The following FANCD2 variants were observed in gnomAD, a reference collection of about 807,000 sequenced individuals.
FANCD2 encodes the protein FA complementation group D2, also known as Fanconi anemia group D2 protein.
A neutral mutation model predicts 192.3 loss-of-function variants in FANCD2; 131 were observed. That is an observed-to-expected ratio of 0.68 (90% confidence interval 0.59 to 0.79). The LOEUF (loss-of-function observed/expected upper bound fraction) is 0.79. Ranked by LOEUF, FANCD2 falls within the 30% of genes least tolerant of loss-of-function variation. FANCD2 has a pLI of 0.00. For missense variants in FANCD2, 1,508 were observed against 1,701.6 expected (o/e 0.89, Z 2.00); for synonymous variants, 524 against 612.5 (o/e 0.86, Z 2.13).
chr3:10,081,219 C>G lies in FANCD2; in HGVS notation c.3096C>G (p.Asn1032Lys). 5 of 1,614,128 alleles carry G rather than the reference C, an allele frequency of 3.1e-6. No individual in the cohort carries two copies. Among genetic ancestry groups the G allele is most frequent in the Non-Finnish European group, 4.2e-6 (5 of 1,180,030 alleles). ...PMCNHLENIH[N>K]YFQCLAAENH... is the part of the protein sequence containing the mutation. ...GTAACCACCTGGAGAACATTCACAA[C>G]TATTTTCAGGTCAGAAGCCTAGACT... is the stretch of plus-strand genomic sequence containing the variant. The change falls in exon 31 of 44, where the codon AAC (asparagine) becomes AAG (lysine). Residue 1032 changes from asparagine (N) to lysine (K), a missense_variant. Coordinates refer to ENST00000675286, the MANE Select transcript of FANCD2 (RefSeq NM_001018115.3).
At position 10,036,086 on chromosome 3, in the gene FANCD2, C is replaced by CTTTTTTTTTTTT. The variant is rs532765216; in HGVS notation, c.439-193_439-182dup. 1.9e-3 allele frequency among the ~76,000 whole-genome samples: 193 copies of CTTTTTTTTTTTT among 102,572 alleles called. 24 individuals are homozygous for CTTTTTTTTTTTT. Among genetic ancestry groups the CTTTTTTTTTTTT allele is most frequent in the African/African-American group, 7.0e-3 (168 of 23,984 alleles). The allele number at this position is 102,572 out of a possible 152,430, so 67.3% of individuals were successfully genotyped here. Reference sequence around the variant, plus strand: ...TAGTTGGAAAGAGAATTATACATTTCTTTTTTTTTTTTTTTTTTTGAGTCA... The same window carrying CTTTTTTTTTTTT: ...TAGTTGGAAAGAGAATTATACATTTCTTTTTTTTTTTTTTTTTTTTTTTTTTTTTTTGAGTCA... On this transcript the variant is annotated intron_variant, in intron 6 of 43. Transcript: ENST00000675286.
At chr3:10,084,175 G>T (rs1187983528) in intron 32 of FANCD2, among the ~76,000 whole-genome samples, 4 of 151,898 alleles carry the variant, frequency 2.6e-5, no homozygotes, top group Admixed American at 2.6e-4. Context: ...TGTATTTTTA[G>T]TAGAGACGGG....
At chr3:10,066,742 T>C (rs754401436) in intron 25 of FANCD2, among the ~76,000 whole-genome samples, 1 of 152,170 alleles carries the variant, frequency 6.6e-6, no homozygotes, top group Non-Finnish European at 1.5e-5. Context: ...TTTGTTTTTT[T>C]GAGACAGAGT....
At chr3:10,078,406 G>A (rs1487796918) in intron 30 of FANCD2, among the ~76,000 whole-genome samples, 1 of 152,072 alleles carries the variant, frequency 6.6e-6, no homozygotes, top group African/African-American at 2.4e-5. Context: ...CCAGGCTGGA[G>A]TGCAGTGGTG....
Position 10,095,204 on chromosome 3 carries a change from A to G in FANCD2, c.3968A>G (p.Asp1323Gly), listed in dbSNP as rs773182166. 17 of 1,613,036 alleles carry G rather than the reference A, an allele frequency of 1.1e-5. No homozygotes were observed. The highest frequency in any genetic ancestry group is 1.6e-4 in the Middle Eastern group (1 of 6,080). Residue 1323 changes from aspartate to glycine, a missense_variant, in exon 41 of 44, where the codon GAT (aspartate) becomes GGT (glycine). Transcript: ENST00000675286. ...LDFSFRKHRE[D>G]VLSLLETFQL... The stretch of plus-strand genomic sequence containing the variant: ...TTATAAACTTATTGGTTATAGGAAG[A>G]TGTTCTGAGCTTACTGGAAACCTTC...
In FANCD2 at chr3:10,056,182, A is replaced by G. The variant is rs143427219; in HGVS notation, c.1656+3685A>G. On this transcript the variant is annotated intron_variant, in intron 18 of 43. Coordinates refer to ENST00000675286, the MANE Select transcript of FANCD2 (RefSeq NM_001018115.3). ...GCGTGAGCCACTGCGCCCGGCCCCCATTCTTTGTTTATACCACATTTTGTT... is the reference window on the plus strand; with the variant it reads ...GCGTGAGCCACTGCGCCCGGCCCCCGTTCTTTGTTTATACCACATTTTGTT... Among the ~76,000 whole-genome samples, 275 of 152,280 alleles carry G rather than the reference A, an allele frequency of 1.8e-3. 2 individuals are homozygous for G. Among genetic ancestry groups the G allele is most frequent in the African/African-American group, 6.2e-3 (259 of 41,576 alleles).
In FANCD2 at chr3:10,081,147, T is replaced by C. The variant is rs1320563794; in HGVS notation, c.3024T>C (p.Ser1008=). 1.9e-6 allele frequency: 3 copies of C among 1,614,076 alleles called. No homozygotes were observed. Among genetic ancestry groups the C allele is most frequent in the Non-Finnish European group, 2.5e-6 (3 of 1,180,014 alleles). The change falls in exon 31 of 44, where the codon TCT becomes TCC. Residue 1008 remains serine (S), a synonymous_variant. Coordinates refer to ENST00000675286, the MANE Select transcript of FANCD2 (RefSeq NM_001018115.3). ...NIGFSHLQQR[S]AQEIVHCVFQ... is the part of the protein sequence containing the mutation. ...GATTCTCACATCTCCAACAGAGATCTGCCCAAGAAATTGTTCATTGTGTTT... is the reference window on the plus strand; with the variant it reads ...GATTCTCACATCTCCAACAGAGATCCGCCCAAGAAATTGTTCATTGTGTTT...
At chr3:10,032,381 A>G (rs996880769) in intron 2 of FANCD2, 3 of 329,318 alleles carry the variant, frequency 9.1e-6, no homozygotes, top group Non-Finnish European at 1.8e-5. Context: ...CCTGGGCTCA[A>G]GTTATTCTTC....
At position 10,101,723 on chromosome 3, in the gene FANCD2, CAT is replaced by C; in HGVS notation, c.*462_*463del. The C allele has an allele frequency of 3.9e-6, 1 of 254,668 alleles. No individual in the cohort carries two copies. The allele number at this position is 254,668 out of a possible 1,614,324, so 15.8% of individuals were successfully genotyped here. A position where few individuals can be genotyped will look rare whatever the true frequency, so the allele number is the denominator to read the frequency against. On this transcript the variant is annotated 3_prime_UTR_variant, in exon 44 of 44. Coordinates refer to ENST00000675286, the MANE Select transcript of FANCD2 (RefSeq NM_001018115.3). ...AGTGGGGTCTTTATTAACTTGTGGA[CAT>C]CATGGATTGTCTAACACCATCACAG...
chr3:10,053,568 A>ATT (rs1240032106), intron 18 of FANCD2, among the ~76,000 whole-genome samples: 2 of 151,656 alleles, frequency 1.3e-5, no homozygotes, highest in South Asian at 4.2e-4. Flanking sequence ...ATTAAAAAAA[A>ATT]TTTTTTTGTA....
chr3:10,082,426 C>T (rs1693899173), intron 32 of FANCD2, among the ~76,000 whole-genome samples: 1 of 152,182 alleles, frequency 6.6e-6, no homozygotes, highest in Non-Finnish European at 1.5e-5. Flanking sequence ...ATCTTCCTAA[C>T]ATAAACCCAG....
Position 10,095,181 on chromosome 3 carries a change from A to C in FANCD2, c.3964-19A>C, listed in dbSNP as rs200544843. ...AATCAGGACATTTCATAGAGCATTT[A>C]TAAACTTATTGGTTATAGGAAGATG... is the stretch of plus-strand genomic sequence containing the variant. On this transcript the variant is annotated intron_variant, in intron 40 of 43. Coordinates refer to ENST00000675286, the MANE Select transcript of FANCD2 (RefSeq NM_001018115.3). 6.2e-7 allele frequency: 1 copy of C among 1,602,050 alleles called. No homozygotes were observed. The highest frequency in any genetic ancestry group is 8.6e-7 in the Non-Finnish European group (1 of 1,169,204).
intron 30 of FANCD2, among the ~76,000 whole-genome samples, chr3:10,079,027 G>A (rs1693683759): frequency 6.6e-6 from 1 of 151,936 alleles, no homozygotes; most frequent in Admixed American, 6.6e-5. Flanking sequence ...GATCACCTGA[G>A]GTCAGGAGTT....
intron 14 of FANCD2, 92 bp downstream of exon 14, chr3:10,043,956 C>G (rs1017419123): frequency 7.1e-5 from 75 of 1,056,810 alleles, no homozygotes; most frequent in Admixed American, 1.1e-4. Context: ...CTTTCTCCCC[C>G]CTCCAGTCAC....
chr3:10,077,895 A>ATGGT (rs1393939404), intron 29 of FANCD2, among the ~76,000 whole-genome samples, 186 bp from the exon 30 acceptor site: 1 of 152,010 alleles, frequency 6.6e-6, no homozygotes, highest in Admixed American at 6.6e-5. Flanking sequence ...GTAGCTGGGC[A>ATGGT]TGGTTGTGTG....
intron 10 of FANCD2, among the ~76,000 whole-genome samples, chr3:10,042,140 C>A (rs928995253): frequency 6.6e-6 from 1 of 152,160 alleles, no homozygotes; most frequent in Non-Finnish European, 1.5e-5. Context: ...TTGTTTTCCA[C>A]CCCCCTCGGC....
At position 10,043,510 on chromosome 3, in the gene FANCD2, G is replaced by C; in HGVS notation, c.1016G>C (p.Gly339Ala). Reference sequence around the variant, plus strand: ...TCCTCAGGAAATCAAGAAAGCAGCGGTCAGAGCTGTATTATTCTCCTCTTT... The same window carrying C: ...TCCTCAGGAAATCAAGAAAGCAGCGCTCAGAGCTGTATTATTCTCCTCTTT... ...ASSSGNQESS[G>A]QSCIILLFDV... is the part of the protein sequence containing the mutation. Residue 339 changes from glycine to alanine, a missense_variant, in exon 13 of 44, where the codon GGT becomes GCT. This residue lies in a region of FANCD2 where 435 missense variants were observed against 421.9 expected (regional missense o/e 1.03). Coordinates refer to ENST00000675286, the MANE Select transcript of FANCD2 (RefSeq NM_001018115.3). 6.2e-7 allele frequency: 1 copy of C among 1,613,824 alleles called. No homozygotes were observed. Among genetic ancestry groups the C allele is most frequent in the South Asian group, 1.1e-5 (1 of 91,076 alleles).
intron 14 of FANCD2, chr3:10,045,595 A>AT (rs2086982327): frequency 7.2e-6 from 1 of 139,346 alleles, no homozygotes; most frequent in African/African-American, 2.7e-5. Context: ...TCACAAAGTA[A>AT]TTTTCCTTTT....
chr3:10,098,377 T>C (rs1695103612), intron 42 of FANCD2, among the ~76,000 whole-genome samples: 1 of 152,160 alleles, frequency 6.6e-6, no homozygotes, highest in African/African-American at 2.4e-5. Flanking sequence ...CTTGGTGTGA[T>C]AGTGCTTAGA....
Sources: allele counts gnomAD v4.1 joint callset (sites outside exome capture counted in the v4.1 genomes callset), GRCh38; gene constraint gnomAD v4.1.1; regional missense constraint gnomAD v4.1.1; transcripts MANE v1.5; gene names NCBI Gene and HGNC (gene_info 2026-07-23, HGNC 2026-07-21).